Variants in APP observed in about 807,000 individuals in gnomAD.
The protein encoded by APP is amyloid beta precursor protein, also known as amyloid-beta precursor protein.
Under a neutral mutation model 101.4 loss-of-function variants are expected in APP, and 31 were observed. The observed-to-expected ratio is 0.31, with a 90% CI of 0.23 to 0.41. The LOEUF is 0.41. Among genes scored for constraint, APP ranks in the 10% least tolerant of loss-of-function variants. The pLI is 1.00. For missense variants in APP, 839 were observed against 1,003.7 expected (o/e 0.84, Z 2.22); for synonymous variants, 366 against 364.4 (o/e 1.00, Z -0.05).
intron 11 of APP, among the ~76,000 whole-genome samples, chr21:25,969,687 T>A (rs937794040): frequency 1.3e-5 from 2 of 151,274 alleles, no homozygotes; most frequent in African/African-American, 2.4e-5. Flanking sequence ...AAAAATTTTT[T>A]AAAAATTAGC....
At chr21:25,945,402 T>TTTTTTTTTA (rs3084231) in intron 13 of APP, 7 of 141,536 alleles carry the variant, frequency 4.9e-5, no homozygotes, top group Non-Finnish European at 8.9e-5. Context: ...TTTTTTTTTT[T>TTTTTTTTTA]GCAGAAATGG....
At chr21:26,019,129 A>C (rs966429796) in intron 6 of APP, among the ~76,000 whole-genome samples, 5 of 152,224 alleles carry the variant, frequency 3.3e-5, no homozygotes, top group African/African-American at 1.2e-4. Context: ...CTAGCATCAA[A>C]ACAAAATCTC....
intron 6 of APP, among the ~76,000 whole-genome samples, chr21:26,019,002 C>T (rs1047636163): frequency 6.6e-6 from 1 of 152,142 alleles, no homozygotes; most frequent in Admixed American, 6.5e-5. Context: ...GATAATGAGA[C>T]CAATTTATCT....
chr21:26,126,312 G>A (rs1479442806), intron 1 of APP, among the ~76,000 whole-genome samples: 1 of 152,156 alleles, frequency 6.6e-6, no homozygotes, highest in Non-Finnish European at 1.5e-5. Context: ...AAAATGTTAC[G>A]TGCATGGCTG....
At chr21:25,973,258 A>G (rs374913649) in intron 11 of APP, among the ~76,000 whole-genome samples, 36 of 152,222 alleles carry the variant, frequency 2.4e-4, no homozygotes, top group African/African-American at 6.8e-4. Flanking sequence ...CCATATCCAT[A>G]ACCTCATTCA....
In APP at chr21:26,056,257, C is replaced by T. The variant is rs567356507; in HGVS notation, c.356-2909G>A. Among the ~76,000 whole-genome samples, 6 of 152,214 alleles carry T rather than the reference C, an allele frequency of 3.9e-5. No homozygotes were observed. In the South Asian group the frequency reaches 6.2e-4, roughly 16 times the overall value. ...CTAGATATGTTGCCCAGGCTGGTCT[C>T]GAACTCCTAGGCTCAAGCAATCTGC... On this transcript the variant is annotated intron_variant, in intron 3 of 17. Transcript: ENST00000346798.
chr21:25,985,618 G>A (rs1216669923), intron 8 of APP, among the ~76,000 whole-genome samples: 1 of 152,032 alleles, frequency 6.6e-6, no homozygotes, highest in Non-Finnish European at 1.5e-5. Flanking sequence ...AACAGATTGT[G>A]GGACTTAGCC....
chr21:26,123,454 T>G (rs2062616957), intron 1 of APP, among the ~76,000 whole-genome samples: 1 of 152,232 alleles, frequency 6.6e-6, no homozygotes, highest in African/African-American at 2.4e-5. Flanking sequence ...CCTGCAGACT[T>G]GGAACACTAA....
chr21:25,940,152 G>A (rs2040515423), intron 13 of APP, among the ~76,000 whole-genome samples: 2 of 152,102 alleles, frequency 1.3e-5, no homozygotes, highest in South Asian at 2.1e-4. Flanking sequence ...ATGAGAGAGA[G>A]AAAAGAGATG....
intron 15 of APP, among the ~76,000 whole-genome samples, chr21:25,903,210 T>C (rs1569032703): frequency 1.3e-5 from 2 of 150,558 alleles, no homozygotes; most frequent in Non-Finnish European, 3.0e-5. Context: ...CTACTGAAAA[T>C]ACAAAAAAAT....
chr21:25,948,578 G>GA (rs76833625), intron 13 of APP, among the ~76,000 whole-genome samples: 1 of 151,814 alleles, frequency 6.6e-6, no homozygotes, highest in Non-Finnish European at 1.5e-5. Context: ...AATGCTAGAA[G>GA]AAAAAAAATG....
chr21:25,888,532 G>C (rs1024555405), intron 17 of APP, among the ~76,000 whole-genome samples: 3 of 150,372 alleles, frequency 2.0e-5, no homozygotes, highest in Non-Finnish European at 4.5e-5. Context: ...TGAGGGGAAG[G>C]AGCTGAGAGG....
chr21:25,889,148 C>T (rs1490840430), intron 17 of APP, among the ~76,000 whole-genome samples: 2 of 152,178 alleles, frequency 1.3e-5, no homozygotes, highest in African/African-American at 4.8e-5. Context: ...TCCTAAGCTG[C>T]CAGTACCTCC....
At chr21:26,135,827 C>T (rs1476674837) in intron 1 of APP, among the ~76,000 whole-genome samples, 1 of 152,032 alleles carries the variant, frequency 6.6e-6, no homozygotes, top group Non-Finnish European at 1.5e-5. Flanking sequence ...AATATCTGGA[C>T]TTGTGTTTTA....
In APP at chr21:26,000,016, G is replaced by A. The variant is rs757238147; in HGVS notation, c.1032C>T (p.Ala344=). Residue 344 remains alanine (A), a splice_region_variant and synonymous_variant, in exon 7 of 18, where the codon GCC becomes GCT. Transcript: ENST00000346798. The part of the protein sequence containing the change: ...EEYCMAVCGS[A]MSQSLLKTTQ... Reference sequence around the variant, plus strand: ...AGGCTCGAAGAAGGGTCCACTTACTGGCGCTGCCACACACGGCCATGCAGT... The same window carrying A: ...AGGCTCGAAGAAGGGTCCACTTACTAGCGCTGCCACACACGGCCATGCAGT... 6.2e-7 allele frequency: 1 copy of A among 1,613,994 alleles called. No individual in the cohort carries two copies. Among genetic ancestry groups the A allele is most frequent in the Admixed American group, 1.7e-5 (1 of 60,014 alleles).
intron 8 of APP, among the ~76,000 whole-genome samples, chr21:25,989,078 C>T (rs557375408): frequency 6.6e-6 from 1 of 152,280 alleles, no homozygotes; most frequent in South Asian, 2.1e-4. Context: ...ACAAAATGCT[C>T]CTCCATCACT....
chr21:26,163,812 G>A (rs942713993), intron 1 of APP, among the ~76,000 whole-genome samples: 1 of 152,010 alleles, frequency 6.6e-6, no homozygotes, highest in African/African-American at 2.4e-5. Context: ...AAATATCCTT[G>A]GCCTGCTTTT....
intron 2 of APP, among the ~76,000 whole-genome samples, chr21:26,102,082 G>GTTTTTTTTT (rs35680514): frequency 9.9e-6 from 1 of 101,144 alleles, no homozygotes; most frequent in African/African-American, 3.9e-5. Context: ...AAACTATGTG[G>GTTTTTTTTT]TTTTTTTTTT....
intron 1 of APP, among the ~76,000 whole-genome samples, chr21:26,130,161 G>A (rs926470070): frequency 4.6e-5 from 7 of 152,162 alleles, no homozygotes; most frequent in African/African-American, 9.7e-5. Context: ...TCATTCACAC[G>A]AAGGTTACAT....
Sources: gnomAD v4.1 joint callset for allele counts (sites outside exome capture counted in the v4.1 genomes callset) on GRCh38, gnomAD v4.1.1 for gene constraint, MANE v1.5 for transcripts, NCBI Gene and HGNC (gene_info 2026-07-23, HGNC 2026-07-21) for gene names.